Variants in NYAP1 observed in about 807,000 individuals in gnomAD.
NYAP1 encodes the protein neuronal tyrosine phosphorylated phosphoinositide-3-kinase adaptor 1.
A neutral mutation model predicts 58.6 loss-of-function variants in NYAP1; 20 were observed. The observed-to-expected ratio is 0.34, with a 90% CI of 0.24 to 0.50. NYAP1 has a LOEUF of 0.50. Among genes scored for constraint, NYAP1 ranks in the 20% least tolerant of loss-of-function variants. NYAP1 has a pLI of 0.98. For synonymous variants in NYAP1, 572 were observed against 523.1 expected, an observed-to-expected ratio of 1.09 and a Z score of -1.27; for missense variants, 1,150 against 1,194.5, an observed-to-expected ratio of 0.96 and a Z score of 0.55.
In NYAP1 at chr7:100,491,069, A is replaced by C. The variant is rs1301130078; in HGVS notation, c.2242A>C (p.Ser748Arg). 20 of 1,558,624 alleles carry C rather than the reference A, an allele frequency of 1.3e-5. No homozygotes were observed. Among genetic ancestry groups the C allele is most frequent in the Non-Finnish European group, 1.7e-5 (20 of 1,150,786 alleles). ...CGTGCTCCACACACCCCGGCCCTGCAGCCAGCCCAGGGATGCCCTGAGCCA... is the reference window on the plus strand; with the variant it reads ...CGTGCTCCACACACCCCGGCCCTGCCGCCAGCCCAGGGATGCCCTGAGCCA... ...QVVLHTPRPCSQPRDALSQPH... is the reference protein window; with the variant it reads ...QVVLHTPRPCRQPRDALSQPH... The change falls in exon 6 of 7, where the codon AGC (serine) becomes CGC (arginine). Residue 748 changes from serine to arginine, a missense_variant. Coordinates refer to ENST00000300179, the MANE Select transcript of NYAP1 (RefSeq NM_173564.4).
In NYAP1 at chr7:100,494,063, C is replaced by T. The variant is rs1338611540; in HGVS notation, c.*160C>T. ...ACCCCCCGGGATGGGGAGAGTCTGCCAGGCCCATTGGGCTTAGGATGCCAA... is the reference window on the plus strand; with the variant it reads ...ACCCCCCGGGATGGGGAGAGTCTGCTAGGCCCATTGGGCTTAGGATGCCAA... On this transcript the variant is annotated 3_prime_UTR_variant, in exon 7 of 7. Transcript: ENST00000300179. 1.6e-6 allele frequency: 1 copy of T among 638,062 alleles called. No homozygotes were observed. The highest frequency in any genetic ancestry group is 2.5e-6 in the Non-Finnish European group (1 of 399,988). The allele number at this position is 638,062 out of a possible 1,614,324, so 39.5% of individuals were successfully genotyped here.
chr7:100,493,579 C>G (rs980898249), intron 6 of NYAP1, 67 bp from the exon 7 acceptor site: 1 of 1,380,468 alleles, frequency 7.2e-7, no homozygotes, highest in Admixed American at 2.2e-5. Flanking sequence ...GCAGTGCGGA[C>G]CCGTCCGGTC....
At position 100,486,775 on chromosome 7, in the gene NYAP1, A is replaced by G. The variant is rs1213938650; in HGVS notation, c.69-46A>G. The G allele has an allele frequency of 2.1e-6, 3 of 1,418,318 alleles. No individual in the cohort carries two copies. Among genetic ancestry groups the G allele is most frequent in the South Asian group, 3.1e-5 (2 of 65,150 alleles). 87.9% of individuals were successfully genotyped at this position (1,418,318 alleles called of 1,614,324 possible). A position where few individuals can be genotyped will look rare whatever the true frequency, so the allele number is the denominator to read the frequency against. On this transcript the variant is annotated intron_variant, in intron 2 of 6. Transcript: ENST00000300179. The surrounding 1 kb of genome is among the most constrained non-coding windows in gnomAD (Gnocchi z 6.2). ...CTTGGGGTGGAGAAGGGGGATGCCC[A>G]GGTCCGAGGCCCTTCCTCCACTCCA...
In NYAP1 at chr7:100,486,079, A is replaced by G. The variant is rs1038098608; in HGVS notation, c.68+700A>G. 6.6e-6 allele frequency among the ~76,000 whole-genome samples: 1 copy of G among 151,990 alleles called. No homozygotes were observed. Among genetic ancestry groups the G allele is most frequent in the Non-Finnish European group, 1.5e-5 (1 of 67,982 alleles). ...CTGTGGAGTTTAATTCTTGTTGTTA[A>G]TTAGATTAATCAGAGTGATCGCTGC... is the stretch of plus-strand genomic sequence containing the variant. On this transcript the variant is annotated intron_variant, in intron 2 of 6. Coordinates refer to ENST00000300179, the MANE Select transcript of NYAP1 (RefSeq NM_173564.4). The surrounding 1 kb of genome is among the most constrained non-coding windows in gnomAD (Gnocchi z 6.2).
In NYAP1 at chr7:100,490,921, A is replaced by T; in HGVS notation, c.2159-65A>T. The T allele has an allele frequency of 8.7e-7, 1 of 1,155,940 alleles. No homozygotes were observed. The highest frequency in any genetic ancestry group is 1.2e-6 in the Non-Finnish European group (1 of 807,168). The allele number at this position is 1,155,940 out of a possible 1,614,324, so 71.6% of individuals were successfully genotyped here. A position where few individuals can be genotyped will look rare whatever the true frequency, so the allele number is the denominator to read the frequency against. On this transcript the variant is annotated intron_variant, in intron 5 of 6. Coordinates refer to ENST00000300179, the MANE Select transcript of NYAP1 (RefSeq NM_173564.4). The surrounding 1 kb of genome is among the most constrained non-coding windows in gnomAD (Gnocchi z 4.6). Reference sequence around the variant, plus strand: ...AGCCTGGACCATTCAAGGGCAGGGGACTGGGAACTAGGGGAGGGGTACCTG... The same window carrying T: ...AGCCTGGACCATTCAAGGGCAGGGGTCTGGGAACTAGGGGAGGGGTACCTG...
Position 100,489,390 on chromosome 7 carries a change from G to A in NYAP1, c.1669G>A (p.Gly557Arg). ...GTGGACCTACCCAGCCACAGCAGCT[G>A]GGCTCAAGAGACCCCCTGCCTATGA... ...PLWTYPATAA[G>R]LKRPPAYESL... Residue 557 changes from glycine to arginine, a missense_variant, in exon 4 of 7, where the codon GGG becomes AGG. Transcript: ENST00000300179. 1 of 1,612,916 alleles carries A rather than the reference G, an allele frequency of 6.2e-7. No individual in the cohort carries two copies. The highest frequency in any genetic ancestry group is 8.5e-7 in the Non-Finnish European group (1 of 1,179,958).
intron 1 of NYAP1, among the ~76,000 whole-genome samples, chr7:100,484,222 G>A (rs1194289903): frequency 6.6e-6 from 1 of 152,138 alleles, no homozygotes; most frequent in Non-Finnish European, 1.5e-5. Context: ...AAGGAGGGGC[G>A]CCTGGGAGGA....
rs1017728303 is a variant in NYAP1 at position 100,490,896 on chromosome 7, A to T, written c.2159-90A>T. On this transcript the variant is annotated intron_variant, in intron 5 of 6. Transcript: ENST00000300179. This position sits in a 1 kb window ranked among gnomAD's most constrained non-coding sequence, Gnocchi z 4.6. ...TTTTCCCTTCTGATGAGGCAGGGGCAGCCTGGACCATTCAAGGGCAGGGGA... is the reference window on the plus strand; with the variant it reads ...TTTTCCCTTCTGATGAGGCAGGGGCTGCCTGGACCATTCAAGGGCAGGGGA... 2.1e-5 allele frequency: 23 copies of T among 1,080,962 alleles called. No homozygotes were observed. Among genetic ancestry groups the T allele is most frequent in the Non-Finnish European group, 1.6e-5 (12 of 750,898 alleles). The allele number at this position is 1,080,962 out of a possible 1,614,324, so 67.0% of individuals were successfully genotyped here.
chr7:100,485,360 GAAGAGGAGGCC>G lies in NYAP1; in HGVS notation c.59_68+1del, dbSNP rs1799689987. ...CAAGCTGGAGTGGAGGCAGCACAAG[GAAGAGGAGGCC>G]AAGAGGAGGTAAGGCTGCACCCCAG... On this transcript the variant is annotated frameshift_variant, in exon 2 of 7. Transcript: ENST00000300179. LOFTEE classifies it high-confidence loss of function. The surrounding 1 kb of genome is among the most constrained non-coding windows in gnomAD (Gnocchi z 5.7). 6.2e-7 allele frequency: 1 copy of G among 1,603,468 alleles called. No homozygotes were observed. Among genetic ancestry groups the G allele is most frequent in the Admixed American group, 1.7e-5 (1 of 58,824 alleles).
In NYAP1 at chr7:100,490,578, T is replaced by A; in HGVS notation, c.2007T>A (p.Arg669=). Residue 669 remains arginine, a synonymous_variant, in exon 5 of 7, where the codon CGT becomes CGA. Transcript: ENST00000300179. The surrounding 1 kb of genome is among the most constrained non-coding windows in gnomAD (Gnocchi z 4.6). The part of the protein sequence containing the change: ...GSAEGPGKVE[R]EDRGPGTSGI... The stretch of plus-strand genomic sequence containing the variant: ...CCGAGGGTCCAGGCAAGGTGGAGCG[T>A]GAGGACAGGGGCCCTGGGACATCGG... The A allele has an allele frequency of 6.3e-7, 1 of 1,584,884 alleles. No individual in the cohort carries two copies. The highest frequency in any genetic ancestry group is 1.2e-5 in the South Asian group (1 of 86,610).
intron 6 of NYAP1, among the ~76,000 whole-genome samples, chr7:100,491,832 A>G (rs957714808): frequency 6.6e-6 from 1 of 152,094 alleles, no homozygotes; most frequent in Admixed American, 6.6e-5. Flanking sequence ...GTGGATCACA[A>G]GGTCAGGAGT....
rs1799766092 is a variant in NYAP1, at chr7:100,489,654, A to C, written c.1933A>C (p.Lys645Gln). The change falls in exon 4 of 7, where the codon AAG becomes CAG. Residue 645 changes from lysine (K) to glutamine (Q), a missense_variant. Physicochemically the swap from Lys to Gln is moderately conservative, Grantham distance 53. Coordinates refer to ENST00000300179, the MANE Select transcript of NYAP1 (RefSeq NM_173564.4). Reference protein sequence around the residue: ...RKVLYGGRKAKELDKVEDGAR... With the variant: ...RKVLYGGRKAQELDKVEDGAR... ...GGTCCTCTATGGAGGGAGAAAAGCA[A>C]AGGAGTTGGACAGTGAGTGAGGGGT... The C allele has an allele frequency of 7.5e-7, 1 of 1,334,822 alleles. No homozygotes were observed. Among genetic ancestry groups the C allele is most frequent in the African/African-American group, 1.6e-5 (1 of 63,438 alleles). 82.7% of individuals were successfully genotyped at this position (1,334,822 alleles called of 1,614,324 possible).
In NYAP1 at chr7:100,488,879, G is replaced by A. The variant is rs1178592577; in HGVS notation, c.1158G>A (p.Pro386=). The change falls in exon 4 of 7, where the codon CCG becomes CCA. Residue 386 remains proline (P), a synonymous_variant. Transcript: ENST00000300179. This position sits in a 1 kb window ranked among gnomAD's most constrained non-coding sequence, Gnocchi z 5.9. ...PARERETPPP[P]PPPPAANLLL... ...GGGAGCGGGAGACGCCTCCCCCACC[G>A]CCTCCACCTCCTGCTGCCAACCTGC... The A allele has an allele frequency of 3.8e-6, 6 of 1,598,744 alleles. No homozygotes were observed. The highest frequency in any genetic ancestry group is 5.1e-6 in the Non-Finnish European group (6 of 1,175,036).
intron 4 of NYAP1, 126 bp downstream of exon 4, chr7:100,489,792 T>G: frequency 2.6e-6 from 2 of 763,476 alleles, no homozygotes; most frequent in East Asian, 2.9e-5. Flanking sequence ...TGGGATGTTT[T>G]CTAGGAGACC....
chr7:100,492,152 T>C (rs1438467929), intron 6 of NYAP1, among the ~76,000 whole-genome samples: 1 of 151,520 alleles, frequency 6.6e-6, no homozygotes, highest in Non-Finnish European at 1.5e-5. Flanking sequence ...GGCAGGAGAA[T>C]TGCTTGAACC....
At position 100,486,241 on chromosome 7, in the gene NYAP1, G is replaced by C. The variant is rs1294047267; in HGVS notation, c.69-580G>C. Among the ~76,000 whole-genome samples, 6 of 152,086 alleles carry C rather than the reference G, an allele frequency of 3.9e-5. No homozygotes were observed. Among genetic ancestry groups the C allele is most frequent in the Admixed American group, 3.9e-4 (6 of 15,252 alleles). On this transcript the variant is annotated intron_variant, in intron 2 of 6. Transcript: ENST00000300179. The surrounding 1 kb of genome is among the most constrained non-coding windows in gnomAD (Gnocchi z 6.2). ...ACTCAGACAGAAGCTCAGGGACAGT[G>C]GAATGGAATGGGGGTGAGCCGGGGA...
rs990592211 is a variant in NYAP1 at position 100,485,562 on chromosome 7, G to C, written c.68+183G>C. Among the ~76,000 whole-genome samples, 1 of 152,152 alleles carries C rather than the reference G, an allele frequency of 6.6e-6. No homozygotes were observed. The highest frequency in any genetic ancestry group is 2.1e-4 in the South Asian group (1 of 4,826). Reference sequence around the variant, plus strand: ...CCCAACTCCTGCTCTCCTGTGGGGGGGTTTACAGCCTAGGAGCACCCCTTT... The same window carrying C: ...CCCAACTCCTGCTCTCCTGTGGGGGCGTTTACAGCCTAGGAGCACCCCTTT... On this transcript the variant is annotated intron_variant, in intron 2 of 6. Transcript: ENST00000300179. The surrounding 1 kb of genome is among the most constrained non-coding windows in gnomAD (Gnocchi z 5.7).
At position 100,488,527 on chromosome 7, in the gene NYAP1, C is replaced by T. The variant is rs371835236; in HGVS notation, c.806C>T (p.Pro269Leu). The T allele has an allele frequency of 1.1e-5, 18 of 1,612,180 alleles. No homozygotes were observed. The highest frequency in any genetic ancestry group is 1.7e-4 in the Middle Eastern group (1 of 6,056). ...TATGAAGAGATGAAGTACCCGCTGCCGGAAGAGGCTGGGGAAGGCCGGGCC... is the reference window on the plus strand; with the variant it reads ...TATGAAGAGATGAAGTACCCGCTGCTGGAAGAGGCTGGGGAAGGCCGGGCC... Reference protein sequence around the residue: ...AIYEEMKYPLPEEAGEGRANG... With the variant: ...AIYEEMKYPLLEEAGEGRANG... The change falls in exon 4 of 7, where the codon CCG becomes CTG. Residue 269 changes from proline (P) to leucine (L), a missense_variant. Coordinates refer to ENST00000300179, the MANE Select transcript of NYAP1 (RefSeq NM_173564.4). This position sits in a 1 kb window ranked among gnomAD's most constrained non-coding sequence, Gnocchi z 5.9.
chr7:100,492,958 G>GAGAAAGAAAGCAAGCA (rs1935160008), intron 6 of NYAP1, among the ~76,000 whole-genome samples: 4 of 151,560 alleles, frequency 2.6e-5, no homozygotes, highest in Admixed American at 2.0e-4. Flanking sequence ...GAGAGAAAGA[G>GAGAAAGAAAGCAAGCA]AGAAAGAAAG....
Sources: allele counts gnomAD v4.1 joint callset (sites outside exome capture counted in the v4.1 genomes callset), GRCh38; gene constraint gnomAD v4.1.1; non-coding constraint Gnocchi (gnomAD v3.1); transcripts MANE v1.5; gene names NCBI Gene and HGNC (gene_info 2026-07-23, HGNC 2026-07-21).